TXNRD1: variants seen among roughly 807,000 people sequenced by gnomAD.
TXNRD1 encodes the protein thioredoxin reductase 1, cytoplasmic.
A neutral mutation model predicts 80.3 loss-of-function variants in TXNRD1; 57 were observed. The ratio of observed to expected loss-of-function variants is 0.71; its 90% confidence interval spans 0.57 to 0.89. The LOEUF (loss-of-function observed/expected upper bound fraction) is 0.89. Ranked by LOEUF, TXNRD1 falls within the 40% of genes least tolerant of loss-of-function variation. The pLI is 0.00. For missense variants in TXNRD1, 730 were observed against 803.0 expected (o/e 0.91, Z 1.10); for synonymous variants, 291 against 285.2 (o/e 1.02, Z -0.20).
chr12:104,329,558 A>G (rs534717067), intron 13 of TXNRD1, among the ~76,000 whole-genome samples: 2 of 152,172 alleles, frequency 1.3e-5, no homozygotes, highest in African/African-American at 4.8e-5. Context: ...CTGAGGTGGA[A>G]GAATCACCCG....
intron 2 of TXNRD1, 69 bp from the exon 3 acceptor site, chr12:104,257,950 G>T (rs986325530): frequency 7.4e-6 from 9 of 1,223,750 alleles, no homozygotes; most frequent in Admixed American, 7.2e-5. Flanking sequence ...AACAAAGCTG[G>T]ATAAGAGATT....
intron 13 of TXNRD1, among the ~76,000 whole-genome samples, chr12:104,329,524 C>T (rs2035878643): frequency 6.6e-6 from 1 of 151,842 alleles, no homozygotes; most frequent in Non-Finnish European, 1.5e-5. Flanking sequence ...TGGTGCGTGC[C>T]TCTAGTCCCA....
intron 4 of TXNRD1, among the ~76,000 whole-genome samples, chr12:104,302,562 T>C (rs1205054732): frequency 1.4e-5 from 2 of 141,850 alleles, no homozygotes; most frequent in Non-Finnish European, 3.0e-5. Flanking sequence ...CGATCTCGGC[T>C]CACTGCAAAC....
chr12:104,318,111 T>G (rs2035394632), intron 7 of TXNRD1, among the ~76,000 whole-genome samples: 1 of 152,244 alleles, frequency 6.6e-6, no homozygotes, highest in Non-Finnish European at 1.5e-5. Context: ...ATTGAGCCAC[T>G]GCATTCCAGT....
At chr12:104,221,902 G>C (rs924203072) in intron 1 of TXNRD1, among the ~76,000 whole-genome samples, 1 of 152,200 alleles carries the variant, frequency 6.6e-6, no homozygotes, top group Non-Finnish European at 1.5e-5. Context: ...TCATATAAAT[G>C]AGTGACCCAG....
chr12:104,237,586 C>A (rs1049259176), intron 1 of TXNRD1, among the ~76,000 whole-genome samples: 1 of 152,178 alleles, frequency 6.6e-6, no homozygotes, highest in Non-Finnish European at 1.5e-5. Flanking sequence ...AAGGGTTTCA[C>A]CCTAAAGCCA....
intron 10 of TXNRD1, among the ~76,000 whole-genome samples, chr12:104,322,234 C>T (rs1368142907): frequency 6.6e-6 from 1 of 151,970 alleles, no homozygotes; most frequent in East Asian, 1.9e-4. Flanking sequence ...CATTAGCCAA[C>T]ACTTATAAAG....
chr12:104,251,498 A>G, intron 1 of TXNRD1, 29 bp from the exon 2 acceptor site: 1 of 1,606,954 alleles, frequency 6.2e-7, no homozygotes, highest in Non-Finnish European at 8.5e-7. Flanking sequence ...CTTTGTGATA[A>G]TTACCATCCT....
intron 1 of TXNRD1, among the ~76,000 whole-genome samples, chr12:104,225,128 C>T (rs1311114141): frequency 6.6e-6 from 1 of 152,078 alleles, no homozygotes; most frequent in Non-Finnish European, 1.5e-5. Flanking sequence ...AGTAAATATG[C>T]CCATATGGAG....
chr12:104,221,508 G>C (rs2032358322), intron 1 of TXNRD1, among the ~76,000 whole-genome samples: 1 of 152,004 alleles, frequency 6.6e-6, no homozygotes, highest in South Asian at 2.1e-4. Flanking sequence ...GTAAAGACAA[G>C]GGTTTCTCCA....
At chr12:104,318,129 G>T (rs1593829292) in intron 7 of TXNRD1, among the ~76,000 whole-genome samples, 2 of 152,214 alleles carry the variant, frequency 1.3e-5, no homozygotes, top group Non-Finnish European at 2.9e-5. Context: ...AGTCTGGGCA[G>T]TCTGGGCAAC....
chr12:104,291,165 A>G, intron 4 of TXNRD1: 2 of 403,124 alleles, frequency 5.0e-6, no homozygotes, highest in Non-Finnish European at 8.9e-6. Flanking sequence ...CATTTAGCAT[A>G]TTTCTTAAGT....
chr12:104,321,660 C>T (rs1001185210), intron 10 of TXNRD1, among the ~76,000 whole-genome samples: 10 of 152,158 alleles, frequency 6.6e-5, no homozygotes, highest in Non-Finnish European at 1.0e-4. Context: ...AAGAGTTCAA[C>T]ACTAGGCCCC....
At chr12:104,304,418 A>G (rs746336530) in intron 4 of TXNRD1, 23 of 1,613,924 alleles carry the variant, frequency 1.4e-5, no homozygotes, top group Middle Eastern at 1.6e-4. Context: ...AACATCCTGG[A>G]TGGTAAAAGC....
At chr12:104,327,365 C>T in intron 12 of TXNRD1, 150 bp from the exon 13 acceptor site, 4 of 662,508 alleles carry the variant, frequency 6.0e-6, no homozygotes, top group East Asian at 3.0e-5. Context: ...ATTTTTGTTC[C>T]TTTGAGCTGT....
At chr12:104,301,369 G>A (rs947554445) in intron 4 of TXNRD1, among the ~76,000 whole-genome samples, 5 of 151,684 alleles carry the variant, frequency 3.3e-5, no homozygotes, top group Admixed American at 6.6e-5. Flanking sequence ...ATGGAGTCTC[G>A]CTCTGTCGCC....
intron 2 of TXNRD1, 22 bp from the exon 3 acceptor site, chr12:104,257,997 C>T (rs1339398537): frequency 1.3e-6 from 2 of 1,531,220 alleles, no homozygotes; most frequent in Non-Finnish European, 1.8e-6. Flanking sequence ...CATTTTCCTC[C>T]TTGTTTTTCA....
chr12:104,230,361 G>A lies in TXNRD1; in HGVS notation c.91+14468G>A, dbSNP rs572030644. The stretch of plus-strand genomic sequence containing the variant: ...TGAGATTACAGGCATGAGCCACTGT[G>A]CCCAGCCATGTTTAACTTTTTGAGG... On this transcript the variant is annotated intron_variant, in intron 1 of 16. Coordinates refer to ENST00000525566, the MANE Select transcript of TXNRD1 (RefSeq NM_001093771.3). 3.9e-5 allele frequency among the ~76,000 whole-genome samples: 6 copies of A among 152,150 alleles called. No homozygotes were observed. The South Asian group carries it at 1.2e-3, about 32-fold the overall frequency.
At chr12:104,256,847 T>G (rs891027997) in intron 2 of TXNRD1, among the ~76,000 whole-genome samples, 2 of 151,646 alleles carry the variant, frequency 1.3e-5, no homozygotes, top group Non-Finnish European at 2.9e-5. Context: ...TGAACATATT[T>G]TCCCATTTTA....
Sources: gnomAD v4.1 joint callset for allele counts (sites outside exome capture counted in the v4.1 genomes callset) on GRCh38, gnomAD v4.1.1 for gene constraint, MANE v1.5 for transcripts, NCBI Gene and HGNC (gene_info 2026-07-23, HGNC 2026-07-21) for gene names.